The following PDZD2 variants were observed in gnomAD, a reference collection of about 807,000 sequenced individuals.
PDZD2 encodes PDZ domain containing 2.
Under a neutral mutation model 220.7 loss-of-function variants are expected in PDZD2, and 90 were observed. The observed-to-expected ratio is 0.41, with a 90% CI of 0.34 to 0.49. PDZD2 has a LOEUF of 0.49. Ranked by LOEUF, PDZD2 falls within the 20% of genes least tolerant of loss-of-function variation. PDZD2 has a pLI of 0.28. For missense variants in PDZD2, 3,174 were observed against 3,608.5 expected, an observed-to-expected ratio of 0.88 and a Z score of 3.08; for synonymous variants, 1,375 against 1,450.5, an observed-to-expected ratio of 0.95 and a Z score of 1.18.
intron 1 of PDZD2, among the ~76,000 whole-genome samples, chr5:31,792,484 T>C (rs1051099518): frequency 6.6e-6 from 1 of 152,160 alleles, no homozygotes. Flanking sequence ...AGTGGCACAG[T>C]CTCAGCTCAC....
chr5:31,930,185 T>A (rs1226973028), intron 2 of PDZD2, among the ~76,000 whole-genome samples: 1 of 146,518 alleles, frequency 6.8e-6, no homozygotes, highest in Non-Finnish European at 1.5e-5. Flanking sequence ...CATTACCCAG[T>A]CTCAGGTATT....
intron 2 of PDZD2, among the ~76,000 whole-genome samples, chr5:31,892,831 A>G (rs1581011193): frequency 6.6e-6 from 1 of 151,848 alleles, no homozygotes; most frequent in South Asian, 2.1e-4. Context: ...TCGGCCTCCT[A>G]AAGTGCTGGG....
Position 31,640,062 on chromosome 5 carries a change from A to C in PDZD2, c.-361+625A>C, listed in dbSNP as rs1266124596. On this transcript the variant is annotated intron_variant, in intron 1 of 24. Coordinates refer to ENST00000438447, the MANE Select transcript of PDZD2 (RefSeq NM_178140.4). ...TCTCTGAAGTCGAGTTTCTCCTAAAATCTGGTTTCTCCCTCCCTCTGTTCC... is the reference window on the plus strand; with the variant it reads ...TCTCTGAAGTCGAGTTTCTCCTAAACTCTGGTTTCTCCCTCCCTCTGTTCC... Among the ~76,000 whole-genome samples, 55 of 136,234 alleles carry C rather than the reference A, an allele frequency of 4.0e-4. 1 individual carries two copies. Among genetic ancestry groups the C allele is most frequent in the Non-Finnish European group, 1.3e-4 (8 of 61,550 alleles). 89.4% of individuals were successfully genotyped at this position (136,234 alleles called of 152,430 possible). A position where few individuals can be genotyped will look rare whatever the true frequency, so the allele number is the denominator to read the frequency against.
rs1044646508 is a variant in PDZD2 at position 31,756,554 on chromosome 5, C to A, written c.-360-42335C>A. On this transcript the variant is annotated intron_variant, in intron 1 of 24. Transcript: ENST00000438447. ...GGGGAGCTATGGGGACACTCTAGTGCTTGGTGGATACCAGACCTCCTCTGG... is the reference window on the plus strand; with the variant it reads ...GGGGAGCTATGGGGACACTCTAGTGATTGGTGGATACCAGACCTCCTCTGG... 2.3e-4 allele frequency among the ~76,000 whole-genome samples: 35 copies of A among 152,306 alleles called. 1 individual carries two copies. Among genetic ancestry groups the A allele is most frequent in the Admixed American group, 2.1e-3 (32 of 15,302 alleles).
intron 6 of PDZD2, among the ~76,000 whole-genome samples, chr5:32,035,731 T>C (rs1359303127): frequency 6.6e-6 from 1 of 152,144 alleles, no homozygotes; most frequent in Non-Finnish European, 1.5e-5. Flanking sequence ...TGATAACTGG[T>C]AAGAGAAAAT....
chr5:32,029,516 C>T (rs1025193127), intron 6 of PDZD2, among the ~76,000 whole-genome samples: 2 of 152,038 alleles, frequency 1.3e-5, no homozygotes, highest in African/African-American at 2.4e-5. Flanking sequence ...ATGTTCACAT[C>T]ATTTCCCCTT....
chr5:31,689,351 A>ATTTTTTTT (rs1288275783), intron 1 of PDZD2, among the ~76,000 whole-genome samples: 6 of 28,186 alleles, frequency 2.1e-4, no homozygotes, highest in East Asian at 8.2e-3. Context: ...ATATATATAT[A>ATTTTTTTT]TATTTTTTTT....
At chr5:32,001,587 A>G (rs1752110069) in intron 5 of PDZD2, among the ~76,000 whole-genome samples, 1 of 152,162 alleles carries the variant, frequency 6.6e-6, no homozygotes, top group African/African-American at 2.4e-5. Context: ...ACAGGTCCTG[A>G]CGCCCCAGGC....
intron 7 of PDZD2, among the ~76,000 whole-genome samples, chr5:32,044,652 A>G (rs971807357): frequency 6.6e-6 from 1 of 152,236 alleles, no homozygotes; most frequent in African/African-American, 2.4e-5. Context: ...GACAGTCGCA[A>G]TGCTTCAGTC....
intron 2 of PDZD2, among the ~76,000 whole-genome samples, chr5:31,815,559 G>T (rs1755397960): frequency 6.6e-6 from 1 of 152,182 alleles, no homozygotes; most frequent in South Asian, 2.1e-4. Context: ...TGTCTGTCTT[G>T]AAGTCTCTAT....
At chr5:32,043,616 A>G (rs1053339114) in intron 7 of PDZD2, among the ~76,000 whole-genome samples, 2 of 152,124 alleles carry the variant, frequency 1.3e-5, no homozygotes, top group African/African-American at 4.8e-5. Context: ...TGTTATTACC[A>G]CTGTCATTTT....
At chr5:32,047,896 T>A (rs1046545510) in intron 7 of PDZD2, among the ~76,000 whole-genome samples, 1 of 152,234 alleles carries the variant, frequency 6.6e-6, no homozygotes, top group African/African-American at 2.4e-5. Context: ...TATTCATTGA[T>A]GTAAAATTAA....
intron 2 of PDZD2, among the ~76,000 whole-genome samples, chr5:31,853,315 G>C (rs1758171044): frequency 6.6e-6 from 1 of 152,210 alleles, no homozygotes; most frequent in Admixed American, 6.5e-5. Context: ...GGCACATGTA[G>C]TGTTCTCCTA....
chr5:31,858,548 C>A (rs1758656745), intron 2 of PDZD2, among the ~76,000 whole-genome samples: 1 of 152,174 alleles, frequency 6.6e-6, no homozygotes, highest in African/African-American at 2.4e-5. Context: ...TTTCCCAAAA[C>A]AAATCTCCTT....
chr5:32,097,308 G>A lies in PDZD2; in HGVS notation c.7875G>A (p.Leu2625=). The change falls in exon 22 of 25, where the codon TTG becomes TTA. Residue 2625 remains leucine (L), a synonymous_variant. Coordinates refer to ENST00000438447, the MANE Select transcript of PDZD2 (RefSeq NM_178140.4). ...AAGAAGATGTTTGCTTCATAGTCTT[G>A]AATAGAAAAGAAGGCTCAGGTCTGG... ...ENEEDVCFIV[L]NRKEGSGLGF... The A allele has an allele frequency of 1.9e-6, 3 of 1,612,756 alleles. No individual in the cohort carries two copies. The highest frequency in any genetic ancestry group is 2.2e-5 in the East Asian group (1 of 44,880).
chr5:31,822,555 A>C, intron 2 of PDZD2: 1 of 823,724 alleles, frequency 1.2e-6, no homozygotes, highest in Admixed American at 2.0e-5. Flanking sequence ...CAACTCTTAG[A>C]TCTTATTAAT....
chr5:32,000,379 C>T lies in PDZD2; in HGVS notation c.1254+108C>T, dbSNP rs779350872. ...ACACAAAGACATGTGTGCACTTGTA[C>T]GTTTGCCTTGGGCTATTGAAACAGC... On this transcript the variant is annotated intron_variant, in intron 5 of 24. Coordinates refer to ENST00000438447, the MANE Select transcript of PDZD2 (RefSeq NM_178140.4). This position sits in a 1 kb window ranked among gnomAD's most constrained non-coding sequence, Gnocchi z 4.5. The T allele has an allele frequency of 2.2e-5, 26 of 1,175,306 alleles. No individual in the cohort carries two copies. The highest frequency in any genetic ancestry group is 3.0e-5 in the African/African-American group (2 of 66,942). The allele number at this position is 1,175,306 out of a possible 1,614,324, so 72.8% of individuals were successfully genotyped here. A position where few individuals can be genotyped will look rare whatever the true frequency, so the allele number is the denominator to read the frequency against.
At chr5:32,032,085 G>A (rs1043468971) in intron 6 of PDZD2, among the ~76,000 whole-genome samples, 1 of 152,190 alleles carries the variant, frequency 6.6e-6, no homozygotes, top group African/African-American at 2.4e-5. Flanking sequence ...GTTGGCTGGT[G>A]GGCTACTCAG....
At chr5:32,031,302 C>G (rs1442038848) in intron 6 of PDZD2, among the ~76,000 whole-genome samples, 2 of 152,184 alleles carry the variant, frequency 1.3e-5, no homozygotes, top group Non-Finnish European at 2.9e-5. Flanking sequence ...TGTCTAAGAT[C>G]TCTTTTAAGG....
Sources: gnomAD v4.1 joint callset for allele counts (sites outside exome capture counted in the v4.1 genomes callset) on GRCh38, gnomAD v4.1.1 for gene constraint, Gnocchi (gnomAD v3.1) non-coding constraint, MANE v1.5 for transcripts, NCBI Gene and HGNC (gene_info 2026-07-23, HGNC 2026-07-21) for gene names.